Variants in LARGE1 observed in about 807,000 individuals in gnomAD.
LARGE1 encodes the protein xylosyl- and glucuronyltransferase LARGE1.
In LARGE1, 43 loss-of-function variants were observed where a neutral mutation model predicts 87.6. The observed-to-expected ratio is 0.49, with a 90% CI of 0.38 to 0.63. The LOEUF (loss-of-function observed/expected upper bound fraction) is 0.63. Ranked by LOEUF, LARGE1 falls within the 30% of genes least tolerant of loss-of-function variation. The pLI is 0.00. For synonymous variants in LARGE1, 434 were observed against 394.6 expected, an observed-to-expected ratio of 1.10 and a Z score of -1.18; for missense variants, 802 against 1,000.2, an observed-to-expected ratio of 0.80 and a Z score of 2.67.
chr22:33,310,874 A>G (rs1935500529), intron 11 of LARGE1, among the ~76,000 whole-genome samples: 1 of 151,778 alleles, frequency 6.6e-6, no homozygotes, highest in Non-Finnish European at 1.5e-5. Flanking sequence ...AGGAGTGGGT[A>G]TCGTGTGTCT....
chr22:33,455,532 C>G (rs1358317691), intron 6 of LARGE1, among the ~76,000 whole-genome samples: 2 of 152,060 alleles, frequency 1.3e-5, no homozygotes, highest in African/African-American at 4.8e-5. Context: ...GCAGGAGGAT[C>G]ACCTGAGGTC....
At chr22:33,890,977 C>CAGCT (rs1053680972) in intron 1 of LARGE1, among the ~76,000 whole-genome samples, 2 of 152,116 alleles carry the variant, frequency 1.3e-5, no homozygotes, top group Non-Finnish European at 2.9e-5. Context: ...TACAACTGAG[C>CAGCT]AGCTACCTGT....
intron 9 of LARGE1, among the ~76,000 whole-genome samples, chr22:33,370,954 A>T (rs1040350515): frequency 6.7e-6 from 1 of 150,156 alleles, no homozygotes; most frequent in Non-Finnish European, 1.5e-5. Context: ...AACATTTATC[A>T]TTTTATATAT....
chr22:33,458,287 G>A (rs1221766278), intron 6 of LARGE1, among the ~76,000 whole-genome samples: 3 of 151,978 alleles, frequency 2.0e-5, no homozygotes, highest in Non-Finnish European at 4.4e-5. Context: ...TGTATTTTTA[G>A]TGGAGACGGG....
intron 6 of LARGE1, among the ~76,000 whole-genome samples, chr22:33,478,390 T>G (rs1001814630): frequency 1.3e-5 from 2 of 152,250 alleles, no homozygotes; most frequent in African/African-American, 4.8e-5. Context: ...GAGGCTCTTT[T>G]GCCTAGAACA....
chr22:33,301,447 T>C (rs1384102939), intron 12 of LARGE1, among the ~76,000 whole-genome samples: 1 of 152,176 alleles, frequency 6.6e-6, no homozygotes, highest in East Asian at 1.9e-4. Flanking sequence ...CAAATCATCA[T>C]CTAAAAACAA....
At chr22:33,713,096 A>C (rs142054831) in intron 2 of LARGE1, among the ~76,000 whole-genome samples, 1 of 152,166 alleles carries the variant, frequency 6.6e-6, no homozygotes, top group Non-Finnish European at 1.5e-5. Flanking sequence ...GCTTCATTTC[A>C]TATCTATTTT....
intron 7 of LARGE1, among the ~76,000 whole-genome samples, chr22:33,428,838 G>C (rs1277890153): frequency 6.7e-6 from 1 of 148,648 alleles, no homozygotes; most frequent in Non-Finnish European, 1.5e-5. Flanking sequence ...GCTGAGGCAG[G>C]AGAATGGCGT....
chr22:33,139,064 C>T, the LARGE1 span, among the ~76,000 whole-genome samples: 3 of 152,120 alleles, frequency 2.0e-5, no homozygotes, highest in African/African-American at 7.2e-5. Flanking sequence ...CTGATGCCAT[C>T]CATGTAAGAC....
intron 2 of LARGE1, among the ~76,000 whole-genome samples, chr22:33,693,682 G>C (rs963579263): frequency 5.9e-5 from 9 of 152,156 alleles, no homozygotes; most frequent in African/African-American, 2.2e-4. Flanking sequence ...AGGTTGCCTG[G>C]GCATGGTGGC....
At chr22:33,572,016 A>ATTT (rs1258822126) in intron 5 of LARGE1, 3 of 347,410 alleles carry the variant, frequency 8.6e-6, no homozygotes, top group Non-Finnish European at 1.7e-5. Context: ...CCAGGCCTTA[A>ATTT]TTTTCTCACC....
At chr22:33,099,368 C>T in the LARGE1 span, among the ~76,000 whole-genome samples, 1 of 152,132 alleles carries the variant, frequency 6.6e-6, no homozygotes, top group Non-Finnish European at 1.5e-5. Context: ...ATTCTCCGGC[C>T]TCAGCCTCCC....
At chr22:33,877,993 T>C (rs938150368) in intron 1 of LARGE1, among the ~76,000 whole-genome samples, 1 of 151,710 alleles carries the variant, frequency 6.6e-6, no homozygotes, top group Non-Finnish European at 1.5e-5. Context: ...ATGTAACATT[T>C]GAATTTATAT....
chr22:33,373,173 T>G (rs958658688), intron 9 of LARGE1, among the ~76,000 whole-genome samples: 48 of 152,172 alleles, frequency 3.2e-4, no homozygotes, highest in African/African-American at 1.1e-3. Flanking sequence ...AGAAGGCAAT[T>G]ATTTATAAGC....
chr22:33,461,091 C>A (rs982768420), intron 6 of LARGE1, among the ~76,000 whole-genome samples: 2 of 152,108 alleles, frequency 1.3e-5, no homozygotes, highest in African/African-American at 4.8e-5. Context: ...ATGAATTCAA[C>A]CCCAGAAGAC....
At chr22:33,281,069 T>C (rs763287585) in intron 13 of LARGE1, among the ~76,000 whole-genome samples, 1 of 152,098 alleles carries the variant, frequency 6.6e-6, no homozygotes, top group Non-Finnish European at 1.5e-5. Flanking sequence ...GAAGAGTTTG[T>C]TATTTGGAGA....
intron 2 of LARGE1, among the ~76,000 whole-genome samples, chr22:33,689,335 A>G (rs73170522): frequency 0.073 from 11,174 of 152,164 alleles, 535 homozygotes; most frequent in Middle Eastern, 0.11. Context: ...TCCAGAGCAC[A>G]CCCTGATGAA....
intron 6 of LARGE1, among the ~76,000 whole-genome samples, chr22:33,489,393 C>T (rs1182549562): frequency 6.6e-6 from 1 of 152,142 alleles, no homozygotes; most frequent in African/African-American, 2.4e-5. Context: ...GTTCTGAGCA[C>T]TGGGGTGAGG....
chr22:33,412,523 C>T (rs8141586), intron 7 of LARGE1, among the ~76,000 whole-genome samples: 8,302 of 152,072 alleles, frequency 0.055, 274 homozygotes, highest in African/African-American at 0.1. Context: ...ACATGGCAGA[C>T]GCAAACAACC....
Sources: gnomAD v4.1 joint callset for allele counts (sites outside exome capture counted in the v4.1 genomes callset) on GRCh38, gnomAD v4.1.1 for gene constraint, MANE v1.5 for transcripts, NCBI Gene and HGNC (gene_info 2026-07-23, HGNC 2026-07-21) for gene names.